The following HDAC9 variants were observed in gnomAD, a reference collection of about 807,000 sequenced individuals.
The protein encoded by HDAC9 is MEF-2 interacting transcription repressor (MITR) protein.
Under a neutral mutation model 139.4 loss-of-function variants are expected in HDAC9, and 41 were observed. The ratio of observed to expected loss-of-function variants is 0.29; its 90% CI spans 0.23 to 0.38. The LOEUF is 0.38. Among genes scored for constraint, HDAC9 ranks in the 10% least tolerant of loss-of-function variants. The pLI is 1.00. For synonymous variants in HDAC9, 517 were observed against 476.2 expected (o/e 1.09, Z -1.12); for missense variants, 1,147 against 1,297.0 (o/e 0.88, Z 1.78).
At chr7:18,762,105 T>C (rs1196461400) in intron 14 of HDAC9, 52 bp from the exon 15 acceptor site, 1 of 1,607,688 alleles carries the variant, frequency 6.2e-7, no homozygotes, top group African/African-American at 1.3e-5. Context: ...GGTCTCATTT[T>C]CTTCTAAATG....
intron 17 of HDAC9, among the ~76,000 whole-genome samples, chr7:18,813,845 A>C (rs1251118828): frequency 1.3e-5 from 2 of 152,308 alleles, no homozygotes; most frequent in Admixed American, 1.3e-4. Context: ...GCTATTACTA[A>C]GATTTTTTGT....
At chr7:18,672,711 G>C (rs1430017054) in intron 12 of HDAC9, among the ~76,000 whole-genome samples, 1 of 151,926 alleles carries the variant, frequency 6.6e-6, no homozygotes, top group Non-Finnish European at 1.5e-5. Flanking sequence ...TTAGGTCTTT[G>C]ATCCATTTTG....
At chr7:18,925,072 G>A (rs1170908302) in intron 22 of HDAC9, among the ~76,000 whole-genome samples, 1 of 152,290 alleles carries the variant, frequency 6.6e-6, no homozygotes, top group East Asian at 1.9e-4. Flanking sequence ...AAGTGGATCA[G>A]TTTTAACTAC....
chr7:18,416,279 A>ATG (rs1190203922), intron 1 of HDAC9, among the ~76,000 whole-genome samples: 1 of 152,084 alleles, frequency 6.6e-6, no homozygotes, highest in Non-Finnish European at 1.5e-5. Flanking sequence ...CTGGGCAACA[A>ATG]GAGCAAAACT....
intron 23 of HDAC9, among the ~76,000 whole-genome samples, chr7:18,937,711 C>A (rs912836120): frequency 6.6e-5 from 10 of 152,074 alleles, no homozygotes; most frequent in Non-Finnish European, 1.3e-4. Context: ...AAGGCTTACA[C>A]CAGATGTGCA....
intron 2 of HDAC9, among the ~76,000 whole-genome samples, chr7:18,549,959 G>C (rs1426652611): frequency 2.1e-4 from 31 of 148,970 alleles, no homozygotes; most frequent in Non-Finnish European, 4.5e-5. Flanking sequence ...TTTTTTTGTA[G>C]GATACTGAGA....
chr7:18,951,841 T>A (rs1782819295), intron 23 of HDAC9, among the ~76,000 whole-genome samples: 1 of 152,004 alleles, frequency 6.6e-6, no homozygotes, highest in Admixed American at 6.6e-5. Context: ...ATGTTGTTAG[T>A]GCCTATAATT....
intron 1 of HDAC9, among the ~76,000 whole-genome samples, chr7:18,119,255 A>G (rs1784212638): frequency 6.6e-6 from 1 of 152,200 alleles, no homozygotes; most frequent in Non-Finnish European, 1.5e-5. Flanking sequence ...ATTTCCTTGC[A>G]AGTCTAGATA....
At chr7:18,146,835 G>GC (rs1786372929) in intron 1 of HDAC9, among the ~76,000 whole-genome samples, 1 of 152,146 alleles carries the variant, frequency 6.6e-6, no homozygotes, top group Admixed American at 6.5e-5. Context: ...TTCCCAAGAA[G>GC]CAGAACAGTC....
intron 1 of HDAC9, among the ~76,000 whole-genome samples, chr7:18,331,253 T>C (rs1800899859): frequency 6.6e-6 from 1 of 151,758 alleles, no homozygotes; most frequent in African/African-American, 2.4e-5. Context: ...ATGTAATACA[T>C]TTGTGAATTT....
chr7:18,272,136 A>G (rs1270451057), intron 2 of HDAC9, among the ~76,000 whole-genome samples: 1 of 152,156 alleles, frequency 6.6e-6, no homozygotes. Flanking sequence ...CAGTATTTCA[A>G]ATGTTTATGT....
intron 1 of HDAC9, among the ~76,000 whole-genome samples, chr7:18,446,333 G>T (rs61492216): frequency 0.035 from 5,296 of 152,314 alleles, 114 homozygotes; most frequent in African/African-American, 0.065. Context: ...ACCCAGCCAT[G>T]CATCAGCATT....
chr7:18,325,127 G>A (rs604804), intron 1 of HDAC9, among the ~76,000 whole-genome samples: 27,278 of 151,980 alleles, frequency 0.18, 2,571 homozygotes, highest in East Asian at 0.26. Flanking sequence ...AGAAGTACTA[G>A]AAGTTAATAA....
intron 17 of HDAC9, among the ~76,000 whole-genome samples, chr7:18,821,948 A>G (rs1363206943): frequency 1.3e-5 from 2 of 152,204 alleles, no homozygotes; most frequent in African/African-American, 4.8e-5. Context: ...GAACAGCCAG[A>G]TGGAAGAGAT....
intron 2 of HDAC9, among the ~76,000 whole-genome samples, chr7:18,566,691 TG>T (rs1000672615): frequency 1.3e-5 from 2 of 152,206 alleles, no homozygotes; most frequent in Non-Finnish European, 2.9e-5. Context: ...TGCCAAATTC[TG>T]TTTCTTTACA....
intron 21 of HDAC9, among the ~76,000 whole-genome samples, chr7:18,849,382 G>T (rs1442966663): frequency 6.6e-6 from 1 of 151,996 alleles, no homozygotes; most frequent in Non-Finnish European, 1.5e-5. Context: ...CCTTTGCTAT[G>T]ACTATTAAAT....
intron 2 of HDAC9, among the ~76,000 whole-genome samples, chr7:18,265,807 G>A (rs1410498356): frequency 6.6e-6 from 1 of 152,056 alleles, no homozygotes; most frequent in Non-Finnish European, 1.5e-5. Flanking sequence ...GCAATCTGTA[G>A]CAATATGTGT....
chr7:18,411,957 C>G (rs1001500489), intron 1 of HDAC9, among the ~76,000 whole-genome samples: 9 of 151,304 alleles, frequency 5.9e-5, no homozygotes, highest in Admixed American at 1.3e-4. Flanking sequence ...TCCTGAGTAG[C>G]TGGGACTACA....
intron 6 of HDAC9, among the ~76,000 whole-genome samples, chr7:18,627,237 C>T (rs1414338125): frequency 6.6e-6 from 1 of 152,182 alleles, no homozygotes; most frequent in East Asian, 1.9e-4. Context: ...CCACCCACTG[C>T]CTTTTGAAGT....
Sources: gnomAD v4.1 joint callset for allele counts (sites outside exome capture counted in the v4.1 genomes callset) on GRCh38, gnomAD v4.1.1 for gene constraint, MANE v1.5 for transcripts, NCBI Gene and HGNC (gene_info 2026-07-23, HGNC 2026-07-21) for gene names.